The following LYN variants were observed in gnomAD, a reference collection of about 807,000 sequenced individuals.
LYN encodes tyrosine-protein kinase Lyn.
LYN carries 12 observed loss-of-function variants against 65.0 expected under a neutral mutation model. That is an observed-to-expected ratio of 0.18 (90% confidence interval 0.12 to 0.30). The LOEUF is 0.30. LYN is among the 10% of genes least tolerant of loss of function. The pLI, the probability that LYN is intolerant of heterozygous loss-of-function variation, is 1.00. For missense variants in LYN, 380 were observed against 623.2 expected, an observed-to-expected ratio of 0.61 and a Z score of 4.16; for synonymous variants, 222 against 221.2, an observed-to-expected ratio of 1.00 and a Z score of -0.03.
At chr8:56,009,438 AAAC>A (rs1200879321) in intron 12 of LYN, among the ~76,000 whole-genome samples, 2 of 152,236 alleles carry the variant, frequency 1.3e-5, no homozygotes, top group African/African-American at 2.4e-5. Flanking sequence ...TGGGTAATTT[AAAC>A]AACAGACGTT....
Position 56,010,515 on chromosome 8 carries a change from T to C in LYN, c.*405T>C. On this transcript the variant is annotated 3_prime_UTR_variant, in exon 13 of 13. Transcript: ENST00000519728. ...GCAGAACTAAACTCATTTATAAAGC[T>C]AAAATAACCGGATATATACATAGCA... 3.8e-6 allele frequency: 1 copy of C among 261,544 alleles called. No individual in the cohort carries two copies. The highest frequency in any genetic ancestry group is 9.3e-5 in the South Asian group (1 of 10,744). 16.2% of individuals were successfully genotyped at this position (261,544 alleles called of 1,614,324 possible).
intron 1 of LYN, among the ~76,000 whole-genome samples, chr8:55,882,275 C>T (rs986268626): frequency 4.6e-5 from 7 of 152,126 alleles, no homozygotes; most frequent in East Asian, 1.9e-4. Flanking sequence ...TTTGTAATCC[C>T]GCCCCTGCCC....
intron 1 of LYN, among the ~76,000 whole-genome samples, chr8:55,896,928 C>T (rs1293403034): frequency 2.0e-5 from 3 of 152,076 alleles, no homozygotes; most frequent in South Asian, 2.1e-4. Context: ...TTAGTAGAGA[C>T]GGGGTTTTGC....
intron 12 of LYN, among the ~76,000 whole-genome samples, chr8:56,005,941 A>G (rs1331284004): frequency 6.6e-6 from 1 of 152,022 alleles, no homozygotes; most frequent in Non-Finnish European, 1.5e-5. Flanking sequence ...AAAAATTACC[A>G]GAGTATGGTG....
chr8:55,959,583 G>T (rs1807217056), intron 8 of LYN, among the ~76,000 whole-genome samples: 1 of 152,144 alleles, frequency 6.6e-6, no homozygotes, highest in Non-Finnish European at 1.5e-5. Flanking sequence ...CTAAATAGAA[G>T]TTGTTTGTAT....
At chr8:55,892,170 C>G (rs1804978749) in intron 1 of LYN, among the ~76,000 whole-genome samples, 1 of 152,248 alleles carries the variant, frequency 6.6e-6, no homozygotes. Context: ...CACCTGTAAT[C>G]CCAGCATTTT....
chr8:55,894,981 C>T (rs1805053633), intron 1 of LYN, among the ~76,000 whole-genome samples: 1 of 151,804 alleles, frequency 6.6e-6, no homozygotes, highest in African/African-American at 2.4e-5. Flanking sequence ...CAGTGCCAAG[C>T]CTAAAATTTT....
intron 10 of LYN, among the ~76,000 whole-genome samples, chr8:55,976,342 AAAG>A (rs1563321110): frequency 2.0e-5 from 3 of 151,692 alleles, no homozygotes; most frequent in African/African-American, 7.3e-5. Flanking sequence ...AAAAAAAAAA[AAAG>A]AAGGAAGGAA....
chr8:55,909,874 G>A (rs1805546912), intron 1 of LYN, among the ~76,000 whole-genome samples: 1 of 152,018 alleles, frequency 6.6e-6, no homozygotes, highest in South Asian at 2.1e-4. Flanking sequence ...AATGATTAGT[G>A]ATGTTGAGGA....
chr8:55,987,227 A>G (rs1808097568), intron 10 of LYN, among the ~76,000 whole-genome samples: 1 of 151,938 alleles, frequency 6.6e-6, no homozygotes, highest in African/African-American at 2.4e-5. Context: ...ACACTGGGGA[A>G]CATGATGAAA....
At chr8:55,907,491 C>T (rs891923166) in intron 1 of LYN, among the ~76,000 whole-genome samples, 28 of 152,214 alleles carry the variant, frequency 1.8e-4, no homozygotes, top group Admixed American at 1.6e-3. Context: ...AAGGTGGTTA[C>T]GTGGGCACAT....
intron 12 of LYN, among the ~76,000 whole-genome samples, chr8:56,006,849 G>A (rs1338212026): frequency 1.3e-5 from 2 of 152,226 alleles, no homozygotes; most frequent in Non-Finnish European, 2.9e-5. Flanking sequence ...GGGTCTGGTT[G>A]AGGTCCCTCT....
intron 1 of LYN, among the ~76,000 whole-genome samples, chr8:55,936,705 G>A (rs901704756): frequency 6.6e-6 from 1 of 152,192 alleles, no homozygotes; most frequent in African/African-American, 2.4e-5. Context: ...AGGTTCTACA[G>A]CACTGTAGGG....
chr8:55,940,206 T>C (rs1806567819), intron 1 of LYN: 1 of 152,248 alleles, frequency 6.6e-6, no homozygotes, highest in Non-Finnish European at 1.5e-5. Flanking sequence ...TCCTCTAGAC[T>C]TAACTCTAAG....
At chr8:55,997,659 G>T (rs944212796) in intron 10 of LYN, among the ~76,000 whole-genome samples, 1 of 152,174 alleles carries the variant, frequency 6.6e-6, no homozygotes, top group Admixed American at 6.5e-5. Flanking sequence ...TGGGGTAGGG[G>T]GCGGGGAATG....
At chr8:56,000,547 T>G (rs1808484004) in intron 12 of LYN, among the ~76,000 whole-genome samples, 1 of 151,556 alleles carries the variant, frequency 6.6e-6, no homozygotes, top group South Asian at 2.1e-4. Context: ...GCCAACATGG[T>G]GAAACCCCGT....
chr8:55,969,892 G>T, intron 10 of LYN, 99 bp downstream of exon 10: 10 of 1,040,000 alleles, frequency 9.6e-6, no homozygotes, highest in East Asian at 2.4e-5. Flanking sequence ...AGGAATTTCT[G>T]TTGAATGTTT....
chr8:55,912,826 T>C (rs1397976), intron 1 of LYN, among the ~76,000 whole-genome samples: 98,835 of 151,728 alleles, frequency 0.65, 32,579 homozygotes, highest in East Asian at 0.95. Flanking sequence ...TATTTCCTGA[T>C]TAAAAATATG....
intron 10 of LYN, among the ~76,000 whole-genome samples, chr8:55,994,089 G>A (rs532087303): frequency 6.6e-6 from 1 of 152,124 alleles, no homozygotes; most frequent in East Asian, 1.9e-4. Context: ...AAATAGAGCT[G>A]GATTTACTTA....
Sources: allele counts gnomAD v4.1 joint callset (sites outside exome capture counted in the v4.1 genomes callset), GRCh38; gene constraint gnomAD v4.1.1; transcripts MANE v1.5; gene names NCBI Gene and HGNC (gene_info 2026-07-23, HGNC 2026-07-21).